ARHGAP24: variants seen among roughly 807,000 people sequenced by gnomAD.
ARHGAP24 encodes the protein rho GTPase-activating protein 24.
Under a neutral mutation model 76.4 loss-of-function variants are expected in ARHGAP24, and 50 were observed. That is an observed-to-expected ratio of 0.65 (90% CI 0.52 to 0.83). The LOEUF (loss-of-function observed/expected upper bound fraction) is 0.83. Ranked by LOEUF, ARHGAP24 falls within the 40% of genes least tolerant of loss-of-function variation. ARHGAP24 has a pLI of 0.00. For synonymous variants in ARHGAP24, 345 were observed against 323.3 expected, an observed-to-expected ratio of 1.07 and a Z score of -0.72; for missense variants, 930 against 914.2, an observed-to-expected ratio of 1.02 and a Z score of -0.22.
At chr4:85,932,489 CT>C (rs1221963047) in intron 4 of ARHGAP24, among the ~76,000 whole-genome samples, 1 of 139,468 alleles carries the variant, frequency 7.2e-6, no homozygotes, top group African/African-American at 2.7e-5. Flanking sequence ...CCATAGAATC[CT>C]TGTGAACACA....
intron 2 of ARHGAP24, among the ~76,000 whole-genome samples, chr4:85,601,744 ATATAT>A (rs972954498): frequency 6.6e-6 from 1 of 152,034 alleles, no homozygotes; most frequent in Non-Finnish European, 1.5e-5. Context: ...ATTAATTAAA[ATATAT>A]TATAGTATAT....
intron 8 of ARHGAP24, among the ~76,000 whole-genome samples, chr4:85,981,905 T>A (rs1366803131): frequency 6.6e-6 from 1 of 152,122 alleles, no homozygotes; most frequent in Non-Finnish European, 1.5e-5. Flanking sequence ...CCAGTGAATA[T>A]CTATGGGGCG....
At chr4:85,566,356 T>C (rs1726845223) in intron 1 of ARHGAP24, among the ~76,000 whole-genome samples, 1 of 152,220 alleles carries the variant, frequency 6.6e-6, no homozygotes, top group South Asian at 2.1e-4. Flanking sequence ...ATTGGTTATG[T>C]GTATTTCCTG....
At chr4:85,661,232 G>A (rs1166361670) in intron 2 of ARHGAP24, among the ~76,000 whole-genome samples, 3 of 146,082 alleles carry the variant, frequency 2.1e-5, no homozygotes, top group South Asian at 2.3e-4. Flanking sequence ...ACAATCAGCC[G>A]ATAAAAAAAG....
At chr4:85,987,792 T>G (rs990865070) in intron 8 of ARHGAP24, among the ~76,000 whole-genome samples, 9 of 151,942 alleles carry the variant, frequency 5.9e-5, no homozygotes, top group African/African-American at 2.2e-4. Flanking sequence ...AATACTCATT[T>G]TTTTCACAGA....
intron 3 of ARHGAP24, among the ~76,000 whole-genome samples, chr4:85,899,732 T>A (rs1734390454): frequency 6.6e-6 from 1 of 152,202 alleles, no homozygotes; most frequent in South Asian, 2.1e-4. Context: ...AGTATCTCCA[T>A]CTGTATTATG....
At chr4:85,766,223 C>T (rs943941876) in intron 3 of ARHGAP24, among the ~76,000 whole-genome samples, 5 of 151,772 alleles carry the variant, frequency 3.3e-5, no homozygotes, top group African/African-American at 1.2e-4. Context: ...AGATGGGGTA[C>T]GGGGACTGGC....
At chr4:85,719,525 A>G (rs1347796065) in intron 2 of ARHGAP24, among the ~76,000 whole-genome samples, 1 of 152,202 alleles carries the variant, frequency 6.6e-6, no homozygotes, top group African/African-American at 2.4e-5. Flanking sequence ...TGAGTAAAAT[A>G]CTACTTTAGC....
intron 1 of ARHGAP24, among the ~76,000 whole-genome samples, 184 bp from the exon 2 acceptor site, chr4:85,570,337 CT>C (rs1385288195): frequency 1.3e-5 from 2 of 151,248 alleles, no homozygotes; most frequent in Non-Finnish European, 2.9e-5. Flanking sequence ...CTCTCTCTTT[CT>C]TTTTTTCTTT....
intron 1 of ARHGAP24, among the ~76,000 whole-genome samples, chr4:85,522,896 C>T (rs28620613): frequency 0.058 from 8,830 of 152,222 alleles, 307 homozygotes; most frequent in African/African-American, 0.094. Context: ...TATAGTCCCT[C>T]ACTTTGACTT....
Position 85,653,648 on chromosome 4 carries a change from AT to A in ARHGAP24, c.181-68233del, listed in dbSNP as rs373771379. 8.6e-5 allele frequency among the ~76,000 whole-genome samples: 13 copies of A among 151,764 alleles called. No individual in the cohort carries two copies. The East Asian group carries it at 2.1e-3, about 25-fold the overall frequency. ...GTCACTATCCCCACCTAATTTTTGT[AT>A]TTTGTTTTTGTTTTTAGCAGCGAGG... On this transcript the variant is annotated intron_variant, in intron 2 of 9. Coordinates refer to ENST00000395184, the MANE Select transcript of ARHGAP24 (RefSeq NM_001025616.3).
At chr4:85,960,425 T>C (rs1430819442) in intron 5 of ARHGAP24, among the ~76,000 whole-genome samples, 5 of 152,186 alleles carry the variant, frequency 3.3e-5, no homozygotes, top group African/African-American at 7.2e-5. Context: ...AGGACATCAC[T>C]GTGGATATTC....
intron 3 of ARHGAP24, among the ~76,000 whole-genome samples, chr4:85,774,152 G>C (rs971436860): frequency 6.6e-6 from 1 of 152,150 alleles, no homozygotes; most frequent in Non-Finnish European, 1.5e-5. Context: ...TGATGTGGCC[G>C]TACTTGAAGT....
chr4:85,523,100 G>C (rs1344408584), intron 1 of ARHGAP24, among the ~76,000 whole-genome samples: 1 of 152,146 alleles, frequency 6.6e-6, no homozygotes, highest in Non-Finnish European at 1.5e-5. Context: ...GATAATGTTA[G>C]CTATTTTCTC....
intron 2 of ARHGAP24, among the ~76,000 whole-genome samples, chr4:85,638,116 C>T (rs979665317): frequency 6.6e-6 from 1 of 152,136 alleles, no homozygotes; most frequent in Non-Finnish European, 1.5e-5. Flanking sequence ...CCACCTCCAT[C>T]TTACCTATCA....
intron 2 of ARHGAP24, among the ~76,000 whole-genome samples, chr4:85,689,777 G>A (rs1483533701): frequency 2.0e-5 from 3 of 151,964 alleles, no homozygotes; most frequent in African/African-American, 7.3e-5. Context: ...GAGTCTTTAG[G>A]GTTTATAGGT....
chr4:85,972,362 AAAG>A (rs1307468840), intron 6 of ARHGAP24, 194 bp downstream of exon 6: 23 of 670,682 alleles, frequency 3.4e-5, no homozygotes, highest in Non-Finnish European at 4.9e-5. Flanking sequence ...GATCAAAAAA[AAAG>A]AATATGGCTG....
intron 1 of ARHGAP24, among the ~76,000 whole-genome samples, chr4:85,568,380 G>A (rs1283297631): frequency 6.6e-6 from 1 of 152,028 alleles, no homozygotes; most frequent in African/African-American, 2.4e-5. Flanking sequence ...TATAAATTAA[G>A]GTGTTTGGTC....
intron 3 of ARHGAP24, among the ~76,000 whole-genome samples, chr4:85,909,985 C>T (rs978483263): frequency 2.0e-5 from 3 of 152,160 alleles, no homozygotes; most frequent in Admixed American, 6.5e-5. Context: ...CTGGATCCCA[C>T]GCCTGCCAAG....
Sources: gnomAD v4.1 joint callset for allele counts (sites outside exome capture counted in the v4.1 genomes callset) on GRCh38, gnomAD v4.1.1 for gene constraint, MANE v1.5 for transcripts, NCBI Gene and HGNC (gene_info 2026-07-23, HGNC 2026-07-21) for gene names.